Variants in POTEF observed in about 807,000 individuals in gnomAD.
POTEF encodes the protein POTE ankyrin domain family member F, also known as ANKRD26-like family C member 1B.
In POTEF, 20 loss-of-function variants were observed where a neutral mutation model predicts 83.2. That is an observed-to-expected ratio of 0.24 (90% CI 0.17 to 0.35). The LOEUF is 0.35. POTEF is among the 10% of genes least tolerant of loss of function. The probability of loss-of-function intolerance (pLI) is 1.00; values close to 1 mark genes in which losing one functional copy is unlikely to be tolerated. For missense variants in POTEF, 550 were observed against 1,203.2 expected, an observed-to-expected ratio of 0.46 and a Z score of 8.03; for synonymous variants, 196 against 446.4, an observed-to-expected ratio of 0.44 and a Z score of 7.07.
intron 8 of POTEF, among the ~76,000 whole-genome samples, chr2:130,102,852 T>G (rs2407444): frequency 6.6e-6 from 1 of 151,576 alleles, no homozygotes; most frequent in South Asian, 2.1e-4. Context: ...CTTGCCTACA[T>G]AAGCCAAGCC....
At chr2:130,110,230 C>G (rs1033113780) in intron 7 of POTEF, among the ~76,000 whole-genome samples, 2 of 151,268 alleles carry the variant, frequency 1.3e-5, no homozygotes, top group Non-Finnish European at 2.9e-5. Context: ...AATAACTAAT[C>G]AGAAAAATTA....
Position 130,110,315 on chromosome 2 carries a change from G to A in POTEF, c.1055+228C>T, listed in dbSNP as rs559549452. Among the ~76,000 whole-genome samples the A allele has an allele frequency of 8.1e-3, 1,214 of 149,614 alleles. 15 individuals carry two copies. Among genetic ancestry groups the A allele is most frequent in the Middle Eastern group, 0.035 (10 of 286 alleles). On this transcript the variant is annotated intron_variant, in intron 7 of 16. Coordinates refer to ENST00000409914, the MANE Select transcript of POTEF (RefSeq NM_001099771.2). ...AATGAACAATGCTGGGATCTCTAAG[G>A]ATAAAGATCTTAAAAGTCCTGAGAT...
At chr2:130,119,330 AT>A (rs1185728838) in intron 3 of POTEF, among the ~76,000 whole-genome samples, 1 of 151,460 alleles carries the variant, frequency 6.6e-6, no homozygotes, top group East Asian at 1.9e-4. Context: ...CACCCGGCTA[AT>A]TTTTTTTATA....
chr2:130,115,911 C>A (rs985835626), intron 3 of POTEF, among the ~76,000 whole-genome samples: 4 of 151,832 alleles, frequency 2.6e-5, no homozygotes, highest in Non-Finnish European at 5.9e-5. Context: ...CACTGAAATA[C>A]CACTTACAAT....
chr2:130,125,596 A>T (rs1227238176), intron 2 of POTEF, among the ~76,000 whole-genome samples: 2 of 151,482 alleles, frequency 1.3e-5, no homozygotes, highest in Non-Finnish European at 2.9e-5. Flanking sequence ...TCGACACTGC[A>T]GGTTCTTAGA....
intron 2 of POTEF, among the ~76,000 whole-genome samples, chr2:130,125,906 C>CAA (rs1250169578): frequency 7.9e-6 from 1 of 127,354 alleles, no homozygotes; most frequent in Non-Finnish European, 1.7e-5. Context: ...GACTTCATCT[C>CAA]AAAAAAAAAA....
intron 3 of POTEF, among the ~76,000 whole-genome samples, chr2:130,116,267 A>G (rs1164838705): frequency 6.6e-6 from 1 of 151,334 alleles, no homozygotes; most frequent in African/African-American, 2.5e-5. Flanking sequence ...AGATATTTCC[A>G]ATCATTCATA....
chr2:130,110,532 T>G lies in POTEF; in HGVS notation c.1055+11A>C. On this transcript the variant is annotated intron_variant, in intron 7 of 16. Coordinates refer to ENST00000409914, the MANE Select transcript of POTEF (RefSeq NM_001099771.2). Reference sequence around the variant, plus strand: ...TTCAGCATTAACTAGCCTTTTAATGTAAACACTTACACATGATGATGACTA... The same window carrying G: ...TTCAGCATTAACTAGCCTTTTAATGGAAACACTTACACATGATGATGACTA... 6.9e-7 allele frequency: 1 copy of G among 1,444,726 alleles called. No individual in the cohort carries two copies. 89.5% of individuals were successfully genotyped at this position (1,444,726 alleles called of 1,614,324 possible).
chr2:130,120,715 C>T, intron 2 of POTEF, 107 bp from the exon 3 acceptor site: 1 of 928,348 alleles, frequency 1.1e-6, no homozygotes, highest in South Asian at 1.8e-5. Flanking sequence ...CCGAGGAAAG[C>T]CCACGCCCCC....
At chr2:130,118,645 G>T (rs529858476) in intron 3 of POTEF, among the ~76,000 whole-genome samples, 1 of 149,686 alleles carries the variant, frequency 6.7e-6, no homozygotes, top group Admixed American at 6.6e-5. Flanking sequence ...GCAGTGAGCC[G>T]AGATCGCACT....
At chr2:130,107,854 T>C (rs1436733154) in intron 8 of POTEF, 155 bp downstream of exon 8, 3 of 657,382 alleles carry the variant, frequency 4.6e-6, no homozygotes, top group East Asian at 2.8e-5. Flanking sequence ...GATAATAATA[T>C]AAAGTAGCAC....
rs539303206 is a variant in POTEF, at chr2:130,120,755, G to A, written c.-93-147C>T. 1,080 of 745,268 alleles carry A rather than the reference G, an allele frequency of 1.4e-3. 23 individuals carry two copies. The African/African-American group carries it at 0.023, about 16-fold the overall frequency. 46.2% of individuals were successfully genotyped at this position (745,268 alleles called of 1,614,324 possible). On this transcript the variant is annotated intron_variant, in intron 2 of 16. Coordinates refer to ENST00000409914, the MANE Select transcript of POTEF (RefSeq NM_001099771.2). ...GGCGACCCCACGCCCACCCCAGAAA[G>A]GGCCAACCCCCGCCCCCAAGAAAAC...
At chr2:130,101,534 G>A (rs1400823593) in intron 9 of POTEF, among the ~76,000 whole-genome samples, 2 of 149,828 alleles carry the variant, frequency 1.3e-5, no homozygotes, top group Admixed American at 6.6e-5. Context: ...GAAACGCTGA[G>A]GTCAACGAGA....
At chr2:130,107,964 G>A (rs1417052802) in intron 8 of POTEF, 45 bp downstream of exon 8, 1 of 1,601,986 alleles carries the variant, frequency 6.2e-7, no homozygotes, top group East Asian at 2.2e-5. Context: ...GTGTCAAAAA[G>A]ATTGGGGACA....
chr2:130,120,688 G>C, intron 2 of POTEF, 80 bp from the exon 3 acceptor site: 1 of 1,087,134 alleles, frequency 9.2e-7, no homozygotes, highest in Admixed American at 2.7e-5. Flanking sequence ...CCCCACCCAG[G>C]GAAAACCCAC....
intron 9 of POTEF, among the ~76,000 whole-genome samples, chr2:130,101,449 G>A (rs2104800624): frequency 6.7e-6 from 1 of 148,158 alleles, no homozygotes; most frequent in South Asian, 2.1e-4. Flanking sequence ...TAACACCAAA[G>A]GTTCCATTCT....
rs1475995432 is a variant in POTEF, at chr2:130,122,123, T to C, written c.-93-1515A>G. 3.4e-5 allele frequency among the ~76,000 whole-genome samples: 5 copies of C among 146,606 alleles called. No individual in the cohort carries two copies. In the East Asian group the frequency reaches 6.3e-4, roughly 18 times the overall value. On this transcript the variant is annotated intron_variant, in intron 2 of 16. Coordinates refer to ENST00000409914, the MANE Select transcript of POTEF (RefSeq NM_001099771.2). ...ACTTTCATTTATCATGTTTTCAATG[T>C]TCATCCTTTTTGGAGCATGTATTAA...
intron 2 of POTEF, among the ~76,000 whole-genome samples, chr2:130,126,119 CAT>C (rs774935356): frequency 3.4e-5 from 5 of 148,834 alleles, no homozygotes; most frequent in Non-Finnish European, 7.4e-5. Context: ...GCCTGACCAA[CAT>C]AGAGAAAACC....
At position 130,116,326 on chromosome 2, in the gene POTEF, G is replaced by A. The variant is rs1230877534; in HGVS notation, c.522-998C>T. Among the ~76,000 whole-genome samples, 3 of 150,652 alleles carry A rather than the reference G, an allele frequency of 2.0e-5. No homozygotes were observed. The East Asian group carries it at 5.8e-4, about 29-fold the overall frequency. On this transcript the variant is annotated intron_variant, in intron 3 of 16. Coordinates refer to ENST00000409914, the MANE Select transcript of POTEF (RefSeq NM_001099771.2). ...TTTTCTCCTTTTAAAACGGATTTAT[G>A]AAACGATTTGTGGAGCTTTTTTCAA... is the stretch of plus-strand genomic sequence containing the variant.
Sources: gnomAD v4.1 joint callset for allele counts (sites outside exome capture counted in the v4.1 genomes callset) on GRCh38, gnomAD v4.1.1 for gene constraint, MANE v1.5 for transcripts, NCBI Gene and HGNC (gene_info 2026-07-23, HGNC 2026-07-21) for gene names.